ATP8B1: variants seen among roughly 807,000 people sequenced by gnomAD.
The protein encoded by ATP8B1 is ATPase phospholipid transporting 8B1.
ATP8B1 carries 80 observed loss-of-function variants against 149.9 expected under a neutral mutation model. The observed-to-expected ratio is 0.53, with a 90% CI of 0.45 to 0.64. The LOEUF is 0.64. Ranked by LOEUF, ATP8B1 falls within the 30% of genes least tolerant of loss-of-function variation. The pLI, the probability that ATP8B1 is intolerant of heterozygous loss-of-function variation, is 0.00. For missense variants in ATP8B1, 1,247 were observed against 1,552.6 expected, an observed-to-expected ratio of 0.80 and a Z score of 3.31; for synonymous variants, 536 against 562.8, an observed-to-expected ratio of 0.95 and a Z score of 0.67.
At chr18:57,756,553 G>C (rs2080086504) in intron 1 of ATP8B1, among the ~76,000 whole-genome samples, 1 of 151,894 alleles carries the variant, frequency 6.6e-6, no homozygotes, top group Non-Finnish European at 1.5e-5. Context: ...TGCCCACCTT[G>C]GCCTCCCAAA....
intron 2 of ATP8B1, 182 bp downstream of exon 2, chr18:57,731,445 T>C (rs1008527382): frequency 1.2e-5 from 8 of 686,078 alleles, no homozygotes; most frequent in South Asian, 3.5e-5. Context: ...CAGCCCTTCT[T>C]ACTAAGGACA....
At chr18:57,704,405 G>C in intron 4 of ATP8B1, 150 bp downstream of exon 4, 1 of 645,828 alleles carries the variant, frequency 1.5e-6, no homozygotes, top group Non-Finnish European at 2.8e-6. Context: ...GATTGAGCTG[G>C]TTCTGTGTAT....
intron 1 of ATP8B1, among the ~76,000 whole-genome samples, chr18:57,764,270 C>T (rs2080185192): frequency 6.6e-6 from 1 of 151,810 alleles, no homozygotes; most frequent in Non-Finnish European, 1.5e-5. Context: ...TTCTTTCCTT[C>T]CTTCCTTCCT....
chr18:57,752,207 A>AAATAAGAATAAT (rs1555653243), intron 1 of ATP8B1, among the ~76,000 whole-genome samples: 17 of 138,308 alleles, frequency 1.2e-4, no homozygotes, highest in South Asian at 2.4e-4. Flanking sequence ...ACCCTGTCTC[A>AAATAAGAATAAT]AATAATAATA....
chr18:57,737,535 G>A (rs364318), intron 1 of ATP8B1, among the ~76,000 whole-genome samples: 25,808 of 150,450 alleles, frequency 0.17, 2,950 homozygotes, highest in East Asian at 0.5. Context: ...CTAGAAGCAT[G>A]AGCCACCATG....
rs188261546 is a variant in ATP8B1 at position 57,680,049 on chromosome 18, G to T, written c.1630+3987C>A. ...CCAGTGCTTTGGGAGGCTGAGGCGG[G>T]TGGATCACCTGAGGTTAGGAGTTCA... On this transcript the variant is annotated intron_variant, in intron 15 of 27. Transcript: ENST00000648908. 5.3e-3 allele frequency among the ~76,000 whole-genome samples: 807 copies of T among 151,730 alleles called. 7 individuals carry two copies. The highest frequency in any genetic ancestry group is 0.017 in the Middle Eastern group (5 of 292).
intron 16 of ATP8B1, among the ~76,000 whole-genome samples, chr18:57,674,231 G>A (rs1911435974): frequency 2.3e-5 from 2 of 88,010 alleles, no homozygotes; most frequent in South Asian, 4.3e-4. Context: ...GACGGAGCAA[G>A]ACTCCATCTC....
intron 1 of ATP8B1, among the ~76,000 whole-genome samples, chr18:57,800,391 C>T (rs1301377303): frequency 6.6e-6 from 1 of 152,066 alleles, no homozygotes; most frequent in Admixed American, 6.6e-5. Flanking sequence ...AAAGCAAGTT[C>T]CTCTGCATTC....
chr18:57,651,162 A>T (rs1353873707), intron 26 of ATP8B1, among the ~76,000 whole-genome samples: 1 of 152,186 alleles, frequency 6.6e-6, no homozygotes, highest in East Asian at 1.9e-4. Flanking sequence ...GTTGGAGTGC[A>T]GTGGCGTGAT....
chr18:57,762,981 C>T (rs899249921), intron 1 of ATP8B1, among the ~76,000 whole-genome samples: 2 of 152,178 alleles, frequency 1.3e-5, no homozygotes, highest in African/African-American at 4.8e-5. Context: ...CTAAGAAAGT[C>T]AGGAGTTCAA....
At chr18:57,771,533 C>G (rs895183181) in intron 1 of ATP8B1, among the ~76,000 whole-genome samples, 4 of 152,168 alleles carry the variant, frequency 2.6e-5, no homozygotes, top group Non-Finnish European at 5.9e-5. Context: ...ATCAGGCTGA[C>G]AAGTTACATT....
chr18:57,707,275 G>A lies in ATP8B1; in HGVS notation c.182-688C>T, dbSNP rs140776439. Among the ~76,000 whole-genome samples the A allele has an allele frequency of 9.2e-4, 140 of 152,162 alleles. 2 individuals carry two copies. Among genetic ancestry groups the A allele is most frequent in the African/African-American group, 3.3e-3 (137 of 41,516 alleles). On this transcript the variant is annotated intron_variant, in intron 2 of 27. Coordinates refer to ENST00000648908, the MANE Select transcript of ATP8B1 (RefSeq NM_001374385.1). Reference sequence around the variant, plus strand: ...TGCGCCACTGCACTCTAGCCTGGGCGACAGAGCAAGACTCCATCTCAAAAA... The same window carrying A: ...TGCGCCACTGCACTCTAGCCTGGGCAACAGAGCAAGACTCCATCTCAAAAA...
Position 57,695,542 on chromosome 18 carries a change from TG to T in ATP8B1, c.699-11del. 6.3e-7 allele frequency: 1 copy of T among 1,599,242 alleles called. No homozygotes were observed. Among genetic ancestry groups the T allele is most frequent in the South Asian group, 1.1e-5 (1 of 90,704 alleles). On this transcript the variant is annotated splice_polypyrimidine_tract_variant and intron_variant, in intron 8 of 27. Coordinates refer to ENST00000648908, the MANE Select transcript of ATP8B1 (RefSeq NM_001374385.1). ...TTTTAAATTGGTTTCTCTAAAGGAATGGGGAAAAAATGAATTAAATGAACAA... is the reference window on the plus strand; with the variant it reads ...TTTTAAATTGGTTTCTCTAAAGGAATGGGAAAAAATGAATTAAATGAACAA...
intron 1 of ATP8B1, among the ~76,000 whole-genome samples, chr18:57,759,634 C>T (rs949309738): frequency 2.0e-5 from 3 of 151,726 alleles, no homozygotes; most frequent in Admixed American, 6.6e-5. Flanking sequence ...ACAATGAAAC[C>T]CCATCTCTAC....
In ATP8B1 at chr18:57,803,082, C is replaced by T. The variant is rs1024797182; in HGVS notation, c.-110G>A. On this transcript the variant is annotated 5_prime_UTR_variant, in exon 1 of 28. Coordinates refer to ENST00000648908, the MANE Select transcript of ATP8B1 (RefSeq NM_001374385.1). ...GCTGCGCACCTGGCCGCTGCCGCCG[C>T]CCGCCCGGCCCCAGCCCTGGCCGCC... 3 of 151,630 alleles carry T rather than the reference C, an allele frequency of 2.0e-5. No individual in the cohort carries two copies. Among genetic ancestry groups the T allele is most frequent in the African/African-American group, 7.3e-5 (3 of 41,374 alleles). The allele number at this position is 151,630 out of a possible 1,614,324, so 9.4% of individuals were successfully genotyped here.
chr18:57,755,852 G>A (rs1034498540), intron 1 of ATP8B1, among the ~76,000 whole-genome samples: 36 of 152,032 alleles, frequency 2.4e-4, no homozygotes, highest in Non-Finnish European at 4.3e-4. Flanking sequence ...CATAATTAAC[G>A]GCGCAGCACT....
intron 2 of ATP8B1, among the ~76,000 whole-genome samples, chr18:57,728,940 G>A (rs1283137594): frequency 6.6e-6 from 1 of 151,814 alleles, no homozygotes; most frequent in Admixed American, 6.6e-5. Context: ...GGCTGGTCTC[G>A]AACTCCTGAC....
intron 8 of ATP8B1, among the ~76,000 whole-genome samples, chr18:57,696,284 C>T (rs534237790): frequency 2.6e-5 from 4 of 152,226 alleles, no homozygotes; most frequent in African/African-American, 4.8e-5. Context: ...TCGGGCGCCG[C>T]GGCTCACGCA....
chr18:57,725,684 C>T (rs2079699425), intron 2 of ATP8B1, among the ~76,000 whole-genome samples: 1 of 152,126 alleles, frequency 6.6e-6, no homozygotes, highest in Non-Finnish European at 1.5e-5. Flanking sequence ...AAAACAGACA[C>T]ACAGATCAAT....
Sources: gnomAD v4.1 joint callset for allele counts (sites outside exome capture counted in the v4.1 genomes callset) on GRCh38, gnomAD v4.1.1 for gene constraint, MANE v1.5 for transcripts, NCBI Gene and HGNC (gene_info 2026-07-23, HGNC 2026-07-21) for gene names.